Variants in CBLB observed in about 807,000 individuals in gnomAD.
The protein encoded by CBLB is Cbl proto-oncogene B, also known as E3 ubiquitin-protein ligase CBL-B.
Under a neutral mutation model 104.9 loss-of-function variants are expected in CBLB, and 31 were observed. The observed-to-expected ratio is 0.30, with a 90% CI of 0.22 to 0.40. The LOEUF is 0.40. Ranked by LOEUF, CBLB falls within the 10% of genes least tolerant of loss-of-function variation. The pLI, the probability that CBLB is intolerant of heterozygous loss-of-function variation, is 1.00. For missense variants in CBLB, 1,062 were observed against 1,214.6 expected, an observed-to-expected ratio of 0.87 and a Z score of 1.87; for synonymous variants, 440 against 422.6, an observed-to-expected ratio of 1.04 and a Z score of -0.51.
intron 3 of CBLB, among the ~76,000 whole-genome samples, chr3:105,792,552 A>G (rs948987616): frequency 1.3e-5 from 2 of 152,164 alleles, no homozygotes; most frequent in South Asian, 4.1e-4. Context: ...ACATTTGTAA[A>G]TATCAACATC....
At chr3:105,719,294 C>T (rs752893362) in intron 10 of CBLB, among the ~76,000 whole-genome samples, 1 of 152,106 alleles carries the variant, frequency 6.6e-6, no homozygotes, top group Non-Finnish European at 1.5e-5. Flanking sequence ...TGTTAGATGA[C>T]GTTTAATTTT....
chr3:105,765,307 C>T (rs2078099152), intron 4 of CBLB, among the ~76,000 whole-genome samples: 2 of 152,064 alleles, frequency 1.3e-5, no homozygotes, highest in Non-Finnish European at 2.9e-5. Context: ...TGCATATGTA[C>T]CCCCTAAATA....
intron 2 of CBLB, among the ~76,000 whole-genome samples, chr3:105,862,599 G>GT (rs2092177429): frequency 6.6e-6 from 1 of 151,998 alleles, no homozygotes; most frequent in Non-Finnish European, 1.5e-5. Context: ...CTTGCTTTCA[G>GT]TTTTTTTCTC....
chr3:105,729,409 T>C (rs953053857), intron 9 of CBLB, among the ~76,000 whole-genome samples: 2 of 152,088 alleles, frequency 1.3e-5, no homozygotes, highest in African/African-American at 2.4e-5. Flanking sequence ...GTTGAAACCA[T>C]CTTGGTTTGC....
chr3:105,842,333 C>T (rs1036538977), intron 3 of CBLB, among the ~76,000 whole-genome samples: 2 of 152,220 alleles, frequency 1.3e-5, no homozygotes, highest in African/African-American at 4.8e-5. Flanking sequence ...AAAGTAGCTT[C>T]AGGCTCTTCG....
chr3:105,748,006 T>C (rs1225481141), intron 5 of CBLB, among the ~76,000 whole-genome samples: 4 of 152,352 alleles, frequency 2.6e-5, no homozygotes, highest in South Asian at 4.1e-4. Flanking sequence ...GTTTTCCTTG[T>C]ATGCAGCCCA....
chr3:105,755,029 T>C (rs1326037788), intron 4 of CBLB, among the ~76,000 whole-genome samples: 2 of 30,910 alleles, frequency 6.5e-5, no homozygotes, highest in Non-Finnish European at 2.3e-4. Context: ...TTTTTTTTTT[T>C]TTTTTTTATT....
intron 3 of CBLB, among the ~76,000 whole-genome samples, chr3:105,851,790 G>A (rs979107004): frequency 2.0e-5 from 3 of 152,108 alleles, no homozygotes; most frequent in Non-Finnish European, 4.4e-5. Flanking sequence ...CATGAACCCC[G>A]TAATGACATT....
intron 5 of CBLB, among the ~76,000 whole-genome samples, chr3:105,748,303 G>A (rs1437314497): frequency 6.6e-6 from 1 of 152,134 alleles, no homozygotes; most frequent in African/African-American, 2.4e-5. Context: ...AGTTGGAAGA[G>A]GGTCCTTGGC....
In CBLB at chr3:105,701,999, T is replaced by G. The variant is rs900136796; in HGVS notation, c.1959+95A>C. On this transcript the variant is annotated intron_variant, in intron 12 of 18. Transcript: ENST00000394030. ...AAAGACTTACAGGGAAGTGCCATGC[T>G]AGGCAAAAAAAAACACTTCCCAACC... The G allele has an allele frequency of 3.0e-5, 42 of 1,378,778 alleles. No individual in the cohort carries two copies. In the African/African-American group the frequency reaches 4.3e-4, roughly 14 times the overall value. The allele number at this position is 1,378,778 out of a possible 1,614,324, so 85.4% of individuals were successfully genotyped here. A position where few individuals can be genotyped will look rare whatever the true frequency, so the allele number is the denominator to read the frequency against.
intron 3 of CBLB, among the ~76,000 whole-genome samples, chr3:105,804,435 C>G (rs1183218309): frequency 6.6e-6 from 1 of 151,676 alleles, no homozygotes; most frequent in African/African-American, 2.4e-5. Flanking sequence ...GTGTGAGAAT[C>G]GCCTGAACCT....
intron 4 of CBLB, among the ~76,000 whole-genome samples, chr3:105,761,875 G>A (rs2077674489): frequency 6.6e-6 from 1 of 152,166 alleles, no homozygotes; most frequent in South Asian, 2.1e-4. Flanking sequence ...GACACTTGTT[G>A]AATGGTTTTG....
chr3:105,736,824 T>C (rs1052798692), intron 8 of CBLB, among the ~76,000 whole-genome samples: 2 of 152,124 alleles, frequency 1.3e-5, no homozygotes, highest in African/African-American at 2.4e-5. Flanking sequence ...CAGGCTTCAA[T>C]TACCCATTTG....
intron 4 of CBLB, among the ~76,000 whole-genome samples, chr3:105,754,926 T>G (rs1338369656): frequency 6.6e-6 from 1 of 152,164 alleles, no homozygotes; most frequent in East Asian, 1.9e-4. Flanking sequence ...TAAGACTATG[T>G]TATAATCCTG....
At chr3:105,710,238 CTAAAG>C (rs1419691268) in intron 10 of CBLB, among the ~76,000 whole-genome samples, 3 of 151,940 alleles carry the variant, frequency 2.0e-5, no homozygotes, top group South Asian at 2.1e-4. Context: ...TAATGAATGA[CTAAAG>C]TATCATGTCC....
chr3:105,678,520 G>A lies in CBLB; in HGVS notation c.2480C>T (p.Pro827Leu), dbSNP rs982424659. The A allele has an allele frequency of 2.5e-6, 4 of 1,613,804 alleles. No individual in the cohort carries two copies. In the African/African-American group the frequency reaches 5.3e-5, roughly 22 times the overall value. Residue 827 changes from proline (P) to leucine (L), a missense_variant, in exon 17 of 19, where the codon CCT becomes CTT. By Grantham distance (98) the Pro-to-Leu change is moderately conservative. Coordinates refer to ENST00000394030, the MANE Select transcript of CBLB (RefSeq NM_170662.5). ...LPPSLPPPPP[P>L]ARHSLIEHSK... ...ATGTTCAATGAGACTATGCCTTGCAGGAGGTGGGGGAGGTGGGAGAGATGG... is the reference window on the plus strand; with the variant it reads ...ATGTTCAATGAGACTATGCCTTGCAAGAGGTGGGGGAGGTGGGAGAGATGG...
chr3:105,702,474 G>GATAA lies in CBLB; in HGVS notation c.1594-16_1594-15insTTAT. The GATAA allele has an allele frequency of 6.0e-5, 10 of 165,406 alleles. No homozygotes were observed. The highest frequency in any genetic ancestry group is 8.5e-5 in the Non-Finnish European group (9 of 105,618). The allele number at this position is 165,406 out of a possible 1,614,324, so 10.2% of individuals were successfully genotyped here. A position where few individuals can be genotyped will look rare whatever the true frequency, so the allele number is the denominator to read the frequency against. ...CAAGGAGAAGACTAAAGAAACAGAAGAGAAAAAAAAAAAAAAAAAAAAAAA... is the reference window on the plus strand; with the variant it reads ...CAAGGAGAAGACTAAAGAAACAGAAGATAAAGAAAAAAAAAAAAAAAAAAAAAAA... On this transcript the variant is annotated splice_polypyrimidine_tract_variant and intron_variant, in intron 11 of 18. Coordinates refer to ENST00000394030, the MANE Select transcript of CBLB (RefSeq NM_170662.5).
chr3:105,828,520 C>T lies in CBLB; in HGVS notation c.419+24894G>A, dbSNP rs557573444. On this transcript the variant is annotated intron_variant, in intron 3 of 18. Transcript: ENST00000394030. ...AAGGAGAAAATATTAAGATAGACGC[C>T]AAAATACTTGAAAGTTAAGATTATA... 4.7e-4 allele frequency among the ~76,000 whole-genome samples: 71 copies of T among 152,048 alleles called. No homozygotes were observed. The Middle Eastern group carries it at 0.027, about 58-fold the overall frequency.
chr3:105,749,786 C>T lies in CBLB; in HGVS notation c.723+1676G>A, dbSNP rs1002841013. ...GAAACCTTTAAAGAAAGGAGAGGTT[C>T]CATTATAAAATGACCAATATCAGAC... On this transcript the variant is annotated intron_variant, in intron 5 of 18. Transcript: ENST00000394030. 1.4e-5 allele frequency: 4 copies of T among 282,160 alleles called. No individual in the cohort carries two copies. The East Asian group carries it at 4.9e-4, about 34-fold the overall frequency. The allele number at this position is 282,160 out of a possible 1,614,324, so 17.5% of individuals were successfully genotyped here. A position where few individuals can be genotyped will look rare whatever the true frequency, so the allele number is the denominator to read the frequency against.
Sources: allele counts gnomAD v4.1 joint callset (sites outside exome capture counted in the v4.1 genomes callset), GRCh38; gene constraint gnomAD v4.1.1; transcripts MANE v1.5; gene names NCBI Gene and HGNC (gene_info 2026-07-23, HGNC 2026-07-21).